Variants in ACACA observed in about 807,000 individuals in gnomAD.
ACACA encodes acetyl-CoA carboxylase 1.
ACACA carries 103 observed loss-of-function variants against 296.1 expected under a neutral mutation model. The observed-to-expected ratio is 0.35, with a 90% confidence interval of 0.30 to 0.41. The LOEUF (loss-of-function observed/expected upper bound fraction) is 0.41, where lower values mean the gene tolerates loss of function less well. Among genes scored for constraint, ACACA ranks in the 10% least tolerant of loss-of-function variants. The pLI, the probability that ACACA is intolerant of heterozygous loss-of-function variation, is 1.00. For synonymous variants in ACACA, 953 were observed against 1,038.6 expected (o/e 0.92, Z 1.58); for missense variants, 1,554 against 2,989.7 (o/e 0.52, Z 11.20).
chr17:37,102,970 G>C (rs1303633801), intron 52 of ACACA, among the ~76,000 whole-genome samples: 1 of 152,108 alleles, frequency 6.6e-6, no homozygotes, highest in Admixed American at 6.5e-5. Context: ...CCTCAAAAAA[G>C]CATCAAAACA....
chr17:37,293,445 C>T (rs930265565), intron 3 of ACACA, among the ~76,000 whole-genome samples: 2 of 151,970 alleles, frequency 1.3e-5, no homozygotes, highest in Non-Finnish European at 2.9e-5. Flanking sequence ...AAGAACAATT[C>T]CACAATTTGT....
chr17:37,259,233 A>T, intron 12 of ACACA, 127 bp downstream of exon 12: 1 of 1,084,332 alleles, frequency 9.2e-7, no homozygotes, highest in African/African-American at 1.5e-5. Context: ...ATACAGGGTG[A>T]AAGAGAAATG....
intron 1 of ACACA, chr17:37,392,406 C>A (rs2050921153): frequency 6.6e-6 from 1 of 152,112 alleles, no homozygotes; most frequent in African/African-American, 2.4e-5. Flanking sequence ...GACAAAGATT[C>A]CAGAGCAAAA....
intron 41 of ACACA, 121 bp from the exon 42 acceptor site, chr17:37,162,171 AAG>A: frequency 9.2e-7 from 1 of 1,086,114 alleles, no homozygotes; most frequent in African/African-American, 1.6e-5. Context: ...CACATTGCTA[AAG>A]AGCCAAACTC....
chr17:37,243,738 T>C (rs1015336504), intron 21 of ACACA, among the ~76,000 whole-genome samples, 179 bp from the exon 22 acceptor site: 3 of 152,224 alleles, frequency 2.0e-5, no homozygotes, highest in Non-Finnish European at 4.4e-5. Context: ...GTGGGTTCCA[T>C]ATCTCATCAA....
intron 25 of ACACA, among the ~76,000 whole-genome samples, chr17:37,234,129 CAA>C (rs1219813858): frequency 6.6e-6 from 1 of 152,056 alleles, no homozygotes; most frequent in African/African-American, 2.4e-5. Flanking sequence ...CCCAATTCCA[CAA>C]AGAGACAAAA....
At chr17:37,299,561 A>G (rs930966809) in intron 3 of ACACA, 42 of 1,399,732 alleles carry the variant, frequency 3.0e-5, no homozygotes, top group Non-Finnish European at 3.6e-5. Flanking sequence ...TCCTTTTTGC[A>G]TCTTCTCTCC....
intron 1 of ACACA, among the ~76,000 whole-genome samples, chr17:37,393,913 T>C (rs1205769985): frequency 6.6e-6 from 1 of 152,186 alleles, no homozygotes; most frequent in Non-Finnish European, 1.5e-5. Context: ...TGGGGACAAT[T>C]TGTTTCCCCT....
intron 2 of ACACA, among the ~76,000 whole-genome samples, chr17:37,338,884 G>A (rs1055015238): frequency 7.9e-5 from 12 of 151,534 alleles, no homozygotes; most frequent in Admixed American, 3.3e-4. Context: ...AGGTTGCAGT[G>A]TGCCGAGATT....
intron 1 of ACACA, among the ~76,000 whole-genome samples, chr17:37,381,626 CT>C (rs550853752): frequency 0.045 from 5,681 of 125,756 alleles, 50 homozygotes; most frequent in African/African-American, 0.086. Flanking sequence ...CTTCCATAGT[CT>C]TTTTTTTTTT....
chr17:37,228,556 T>C (rs1411959237), intron 25 of ACACA, among the ~76,000 whole-genome samples: 2 of 152,062 alleles, frequency 1.3e-5, no homozygotes, highest in Admixed American at 6.5e-5. Context: ...AAACAGAATT[T>C]CAAAGGAATA....
chr17:37,181,172 A>T, intron 40 of ACACA, 29 bp downstream of exon 40: 2 of 1,613,532 alleles, frequency 1.2e-6, no homozygotes, highest in Non-Finnish European at 1.7e-6. Context: ...TCCTTAGAAC[A>T]TGTCAGACCC....
intron 22 of ACACA, among the ~76,000 whole-genome samples, chr17:37,242,378 C>T (rs1438749568): frequency 6.6e-6 from 1 of 152,160 alleles, no homozygotes; most frequent in Non-Finnish European, 1.5e-5. Flanking sequence ...CATACATCTG[C>T]TTTATGGGTA....
At chr17:37,318,952 C>A (rs1015266787) in intron 3 of ACACA, among the ~76,000 whole-genome samples, 1 of 152,150 alleles carries the variant, frequency 6.6e-6, no homozygotes, top group African/African-American at 2.4e-5. Flanking sequence ...TTATAAAATT[C>A]ATTAAAATAT....
intron 25 of ACACA, among the ~76,000 whole-genome samples, chr17:37,227,183 C>T (rs2079577673): frequency 6.6e-6 from 1 of 152,112 alleles, no homozygotes; most frequent in African/African-American, 2.4e-5. Context: ...AGAAAATAAT[C>T]TCAATCATAT....
At chr17:37,290,234 AG>A (rs1415827383) in intron 3 of ACACA, among the ~76,000 whole-genome samples, 2 of 152,166 alleles carry the variant, frequency 1.3e-5, no homozygotes, top group African/African-American at 4.8e-5. Flanking sequence ...TTTTTAGCAC[AG>A]ACGGGGTTTC....
At chr17:37,188,148 A>G (rs2077608389) in intron 39 of ACACA, 129 bp downstream of exon 39, 1 of 917,390 alleles carries the variant, frequency 1.1e-6, no homozygotes, top group African/African-American at 1.6e-5. Context: ...ACAATCATTT[A>G]ATCTTATAGA....
At chr17:37,152,395 C>T (rs554307390) in intron 43 of ACACA, among the ~76,000 whole-genome samples, 17 of 152,266 alleles carry the variant, frequency 1.1e-4, no homozygotes, top group East Asian at 5.8e-4. Flanking sequence ...CCAAACAGAG[C>T]GGTAGTGAGA....
Position 37,226,468 on chromosome 17 carries a change from A to C in ACACA, c.3247-16T>G, listed in dbSNP as rs761124672. On this transcript the variant is annotated splice_polypyrimidine_tract_variant and intron_variant, in intron 25 of 55. Coordinates refer to ENST00000616317, the MANE Select transcript of ACACA (RefSeq NM_198834.3). ...ACAACTGATCCTAATTGTTAATGTA[A>C]AAAAGAACATAGATAGTCATATTAA... is the stretch of plus-strand genomic sequence containing the variant. 1.8e-5 allele frequency: 28 copies of C among 1,586,612 alleles called. No homozygotes were observed. Among genetic ancestry groups the C allele is most frequent in the Non-Finnish European group, 2.4e-5 (28 of 1,155,060 alleles).
Sources: allele counts gnomAD v4.1 joint callset (sites outside exome capture counted in the v4.1 genomes callset), GRCh38; gene constraint gnomAD v4.1.1; transcripts MANE v1.5; gene names NCBI Gene and HGNC (gene_info 2026-07-23, HGNC 2026-07-21).